PLXNA4: variants seen among roughly 807,000 people sequenced by gnomAD.
The protein encoded by PLXNA4 is plexin A4, also known as plexin-A4.
In PLXNA4, 44 loss-of-function variants were observed where a neutral mutation model predicts 191.8. That is an observed-to-expected ratio of 0.23 (90% CI 0.18 to 0.29). The LOEUF (loss-of-function observed/expected upper bound fraction) is 0.29, where lower values mean the gene tolerates loss of function less well. PLXNA4 is among the 10% of genes least tolerant of loss of function. PLXNA4 has a pLI of 1.00. For synonymous variants in PLXNA4, 1,082 were observed against 1,009.5 expected (o/e 1.07, Z -1.36); for missense variants, 1,800 against 2,488.8 (o/e 0.72, Z 5.89).
intron 3 of PLXNA4, among the ~76,000 whole-genome samples, chr7:132,366,527 TA>T (rs964772420): frequency 1.3e-4 from 19 of 147,882 alleles, no homozygotes; most frequent in East Asian, 2.0e-4. Context: ...CTGTCTCAAT[TA>T]AAAAAAAAAG....
At position 132,507,829 on chromosome 7, in the gene PLXNA4, CT is replaced by C; in HGVS notation, c.864del (p.Ala289ProfsTer6). 6.2e-7 allele frequency: 1 copy of C among 1,614,186 alleles called. No individual in the cohort carries two copies. The highest frequency in any genetic ancestry group is 8.5e-7 in the Non-Finnish European group (1 of 1,180,038). On this transcript the variant is annotated frameshift_variant, in exon 2 of 32. Transcript: ENST00000321063. LOFTEE classifies it high-confidence loss of function. ...GGCACCTCTACATAGGAGTTGAAGG[CT>C]GTGTCCTCCTTGCAAAGCCTCACGA... ...SKLVRLCKED[T>X]AFNSYVEVPI...
intron 3 of PLXNA4, among the ~76,000 whole-genome samples, chr7:132,444,999 A>C (rs1795844954): frequency 6.6e-6 from 1 of 151,074 alleles, no homozygotes; most frequent in African/African-American, 2.4e-5. Flanking sequence ...AAAAAATACA[A>C]AAAAATTAGC....
At chr7:132,263,183 T>A (rs1799716414) in intron 4 of PLXNA4, among the ~76,000 whole-genome samples, 1 of 152,058 alleles carries the variant, frequency 6.6e-6, no homozygotes, top group Admixed American at 6.6e-5. Context: ...CTCACATCCA[T>A]CTAGTTGGCA....
At chr7:132,563,071 TC>T (rs1801372926) in intron 1 of PLXNA4, among the ~76,000 whole-genome samples, 1 of 97,982 alleles carries the variant, frequency 1.0e-5, no homozygotes, top group Non-Finnish European at 2.1e-5. Context: ...CTCCTCCTCC[TC>T]CTCCTTCTCC....
chr7:132,291,370 T>G (rs934828114), intron 4 of PLXNA4, among the ~76,000 whole-genome samples: 6 of 152,244 alleles, frequency 3.9e-5, no homozygotes, highest in African/African-American at 1.4e-4. Context: ...TTTTTCACTC[T>G]GTTCACTATT....
intron 2 of PLXNA4, among the ~76,000 whole-genome samples, chr7:132,625,853 C>T (rs556255426): frequency 1.7e-4 from 26 of 152,240 alleles, no homozygotes; most frequent in South Asian, 6.2e-4. Context: ...GCAAAGACCA[C>T]GACAGACAAA....
chr7:132,149,967 C>T (rs1183179928), intron 25 of PLXNA4, among the ~76,000 whole-genome samples: 1 of 152,206 alleles, frequency 6.6e-6, no homozygotes, highest in East Asian at 1.9e-4. Context: ...AGCAGAGATG[C>T]TCCTAAAATC....
At chr7:132,481,364 C>A (rs1797327815) in intron 3 of PLXNA4, among the ~76,000 whole-genome samples, 1 of 151,972 alleles carries the variant, frequency 6.6e-6, no homozygotes, top group African/African-American at 2.4e-5. Flanking sequence ...GTGACCTACC[C>A]TACAGCCCAG....
intron 3 of PLXNA4, among the ~76,000 whole-genome samples, chr7:132,471,190 C>T (rs754084820): frequency 2.1e-4 from 32 of 152,120 alleles, no homozygotes; most frequent in East Asian, 3.8e-4. Flanking sequence ...GCTCTCGATT[C>T]GCCTTCTGCC....
intron 4 of PLXNA4, among the ~76,000 whole-genome samples, chr7:132,294,264 C>T (rs1407164808): frequency 6.6e-6 from 1 of 152,144 alleles, no homozygotes. Context: ...GACAAAGATC[C>T]TGAAGCAGGA....
intron 3 of PLXNA4, among the ~76,000 whole-genome samples, chr7:132,357,319 A>G (rs6945711): frequency 0.5 from 76,021 of 151,962 alleles, 21,067 homozygotes; most frequent in African/African-American, 0.75. Context: ...TGCATTTCAC[A>G]TGCCCTCCCT....
At chr7:132,402,214 C>A (rs1794013893) in intron 3 of PLXNA4, among the ~76,000 whole-genome samples, 1 of 152,112 alleles carries the variant, frequency 6.6e-6, no homozygotes, top group Non-Finnish European at 1.5e-5. Flanking sequence ...TGTTTCCAAG[C>A]CCGTAGCAAA....
intron 2 of PLXNA4, among the ~76,000 whole-genome samples, chr7:132,633,448 A>G (rs1009334912): frequency 1.3e-5 from 2 of 152,022 alleles, no homozygotes; most frequent in Non-Finnish European, 2.9e-5. Context: ...ACACCAGGCT[A>G]ATTTTTGTAT....
chr7:132,182,281 A>C (rs1796734809), intron 16 of PLXNA4, 91 bp from the exon 17 acceptor site: 9 of 1,542,526 alleles, frequency 5.8e-6, no homozygotes, highest in Admixed American at 1.9e-5. Context: ...GACAATAAGG[A>C]CAGTGATAAC....
chr7:132,276,864 G>A (rs1308266470), intron 4 of PLXNA4, among the ~76,000 whole-genome samples: 1 of 152,134 alleles, frequency 6.6e-6, no homozygotes, highest in African/African-American at 2.4e-5. Flanking sequence ...TGTGTTGGGG[G>A]TGGGCTCTGT....
At chr7:132,350,986 A>T (rs912680621) in intron 3 of PLXNA4, among the ~76,000 whole-genome samples, 2 of 152,264 alleles carry the variant, frequency 1.3e-5, no homozygotes, top group African/African-American at 4.8e-5. Context: ...CCATGCTACA[A>T]TGTGGCTAAA....
At chr7:132,296,932 A>G (rs1449592496) in intron 4 of PLXNA4, among the ~76,000 whole-genome samples, 4 of 152,122 alleles carry the variant, frequency 2.6e-5, no homozygotes, top group Non-Finnish European at 5.9e-5. Context: ...TCCAGGGCAC[A>G]GTGGGTCCCA....
At chr7:132,189,009 A>AG (rs1562908980) in intron 14 of PLXNA4, among the ~76,000 whole-genome samples, 9 of 54,602 alleles carry the variant, frequency 1.6e-4, no homozygotes, top group South Asian at 1.0e-3. Context: ...AGAGAGAGAG[A>AG]GAGAGAGAGA....
chr7:132,273,817 C>G (rs1182310559), intron 4 of PLXNA4, among the ~76,000 whole-genome samples: 1 of 152,064 alleles, frequency 6.6e-6, no homozygotes, highest in Non-Finnish European at 1.5e-5. Flanking sequence ...ACTGAAGGGG[C>G]GTTAAGCAGC....
Sources: gnomAD v4.1 joint callset for allele counts (sites outside exome capture counted in the v4.1 genomes callset) on GRCh38, gnomAD v4.1.1 for gene constraint, MANE v1.5 for transcripts, NCBI Gene and HGNC (gene_info 2026-07-23, HGNC 2026-07-21) for gene names.